MAGI2: variants seen among roughly 807,000 people sequenced by gnomAD.
MAGI2 encodes membrane associated guanylate kinase, WW and PDZ domain containing 2.
In MAGI2, 35 loss-of-function variants were observed where a neutral mutation model predicts 133.3. The ratio of observed to expected loss-of-function variants is 0.26; its 90% CI spans 0.20 to 0.35. The LOEUF (loss-of-function observed/expected upper bound fraction) is 0.35. MAGI2 is among the 10% of genes least tolerant of loss of function. The pLI is 1.00. For missense variants in MAGI2, 1,636 were observed against 1,863.4 expected (o/e 0.88, Z 2.25); for synonymous variants, 729 against 710.6 (o/e 1.03, Z -0.41).
At chr7:78,991,976 AT>A (rs1239396590) in intron 2 of MAGI2, among the ~76,000 whole-genome samples, 3 of 152,078 alleles carry the variant, frequency 2.0e-5, no homozygotes, top group Admixed American at 6.6e-5. Context: ...GAGCATGAAT[AT>A]ACAAGAGCAG....
At chr7:78,268,371 A>T (rs1794222541) in intron 9 of MAGI2, among the ~76,000 whole-genome samples, 1 of 152,180 alleles carries the variant, frequency 6.6e-6, no homozygotes, top group Non-Finnish European at 1.5e-5. Context: ...ATTGTTGGAG[A>T]TCAGGGAGAA....
intron 1 of MAGI2, among the ~76,000 whole-genome samples, chr7:79,099,856 C>A (rs537539378): frequency 3.3e-5 from 5 of 152,050 alleles, no homozygotes; most frequent in South Asian, 4.1e-4. Flanking sequence ...TTTTAAAATT[C>A]TTTATCAAAT....
intron 1 of MAGI2, among the ~76,000 whole-genome samples, chr7:79,397,391 G>A (rs186835841): frequency 3.4e-4 from 51 of 151,552 alleles, no homozygotes; most frequent in African/African-American, 8.0e-4. Context: ...AATTTCCCCC[G>A]TTTAGTTCCT....
chr7:78,326,955 A>G (rs1251609370), intron 9 of MAGI2, among the ~76,000 whole-genome samples: 2 of 151,870 alleles, frequency 1.3e-5, no homozygotes, highest in Admixed American at 6.6e-5. Context: ...ACTGGTTGCA[A>G]TTGTATGCTT....
intron 16 of MAGI2, among the ~76,000 whole-genome samples, chr7:78,146,522 T>C (rs970646342): frequency 2.6e-5 from 4 of 152,186 alleles, no homozygotes; most frequent in African/African-American, 7.2e-5. Context: ...TCACTTGTAG[T>C]CTTGAGAGAT....
intron 10 of MAGI2, among the ~76,000 whole-genome samples, chr7:78,209,047 C>T (rs1330619892): frequency 6.8e-6 from 1 of 146,500 alleles, no homozygotes. Context: ...ACGGTGAAAC[C>T]CTGTCTCTAC....
intron 1 of MAGI2, among the ~76,000 whole-genome samples, chr7:79,391,262 A>T (rs1387188951): frequency 6.6e-6 from 1 of 152,012 alleles, no homozygotes; most frequent in African/African-American, 2.4e-5. Flanking sequence ...AGCTGGTTTA[A>T]TAAAATAATC....
chr7:78,284,964 G>A (rs1335843230), intron 9 of MAGI2, among the ~76,000 whole-genome samples: 2 of 152,130 alleles, frequency 1.3e-5, no homozygotes, highest in Non-Finnish European at 2.9e-5. Flanking sequence ...ACACTTTACA[G>A]TTTAAATTAG....
At chr7:78,513,399 A>G (rs191955318) in intron 4 of MAGI2, among the ~76,000 whole-genome samples, 8 of 152,294 alleles carry the variant, frequency 5.3e-5, no homozygotes, top group Admixed American at 4.6e-4. Context: ...CTTCAAAAAG[A>G]AAGGCCAGTC....
At chr7:78,477,103 C>T (rs1310969081) in intron 6 of MAGI2, among the ~76,000 whole-genome samples, 1 of 80,922 alleles carries the variant, frequency 1.2e-5, no homozygotes, top group Non-Finnish European at 2.3e-5. Flanking sequence ...ATCTGTTTCT[C>T]CCATTTCTGA....
chr7:79,258,699 G>C (rs1000462573), intron 1 of MAGI2, among the ~76,000 whole-genome samples: 3 of 152,108 alleles, frequency 2.0e-5, no homozygotes, highest in Non-Finnish European at 4.4e-5. Context: ...GTACTATCGT[G>C]GCATACTATG....
chr7:79,326,673 T>G (rs77942349), intron 1 of MAGI2, among the ~76,000 whole-genome samples: 2 of 144,582 alleles, frequency 1.4e-5, no homozygotes, highest in Non-Finnish European at 3.1e-5. Flanking sequence ...TTTTTTTTTT[T>G]CAGATACTAT....
At chr7:78,662,853 G>T (rs1016305486) in intron 2 of MAGI2, among the ~76,000 whole-genome samples, 1 of 152,118 alleles carries the variant, frequency 6.6e-6, no homozygotes, top group Non-Finnish European at 1.5e-5. Flanking sequence ...CTCAATAAAG[G>T]TTTAATAATA....
chr7:78,815,155 G>C (rs909544164), intron 2 of MAGI2, among the ~76,000 whole-genome samples: 1 of 152,158 alleles, frequency 6.6e-6, no homozygotes, highest in African/African-American at 2.4e-5. Flanking sequence ...AAAGCTGTAA[G>C]TAGAGATTTA....
At chr7:78,979,471 C>T (rs1194793213) in intron 2 of MAGI2, among the ~76,000 whole-genome samples, 7 of 151,854 alleles carry the variant, frequency 4.6e-5, no homozygotes, top group Admixed American at 4.6e-4. Context: ...AATAACTCTC[C>T]TCATCAAACA....
At chr7:78,529,668 G>GT (rs554010061) in intron 3 of MAGI2, among the ~76,000 whole-genome samples, 1,447 of 57,232 alleles carry the variant, frequency 0.025, 258 homozygotes, top group Non-Finnish European at 0.041. Context: ...AAAGGAGATG[G>GT]TTTTTTTTTT....
At chr7:78,783,701 C>T (rs1478430631) in intron 2 of MAGI2, among the ~76,000 whole-genome samples, 2 of 152,152 alleles carry the variant, frequency 1.3e-5, no homozygotes, top group Non-Finnish European at 2.9e-5. Flanking sequence ...AGGAACTCTC[C>T]TTCCTCAAGC....
chr7:78,311,354 G>A (rs1296991487), intron 9 of MAGI2, among the ~76,000 whole-genome samples: 1 of 152,138 alleles, frequency 6.6e-6, no homozygotes, highest in South Asian at 2.1e-4. Context: ...AGAATTGTGT[G>A]GTCCATATCA....
At chr7:78,025,466 G>A (rs1285506436) in intron 21 of MAGI2, among the ~76,000 whole-genome samples, 1 of 152,198 alleles carries the variant, frequency 6.6e-6, no homozygotes, top group East Asian at 1.9e-4. Flanking sequence ...GTTTATCACA[G>A]TGTATTTAAT....
Sources: allele counts gnomAD v4.1 joint callset (sites outside exome capture counted in the v4.1 genomes callset), GRCh38; gene constraint gnomAD v4.1.1; transcripts MANE v1.5; gene names NCBI Gene and HGNC (gene_info 2026-07-23, HGNC 2026-07-21).